The following EPHA3 variants were observed in gnomAD, a reference collection of about 807,000 sequenced individuals.
EPHA3 encodes EPH receptor A3.
A neutral mutation model predicts 107.1 loss-of-function variants in EPHA3; 42 were observed. The observed-to-expected ratio is 0.39, with a 90% CI of 0.31 to 0.51. The LOEUF (loss-of-function observed/expected upper bound fraction) is 0.51, where lower values mean the gene tolerates loss of function less well. EPHA3 is among the 20% of genes least tolerant of loss of function. EPHA3 has a pLI of 0.78. For missense variants in EPHA3, 1,183 were observed against 1,211.2 expected (o/e 0.98, Z 0.35); for synonymous variants, 461 against 424.8 (o/e 1.09, Z -1.05).
intron 3 of EPHA3, among the ~76,000 whole-genome samples, chr3:89,222,450 T>C (rs901400697): frequency 6.7e-6 from 1 of 148,232 alleles, no homozygotes; most frequent in African/African-American, 2.5e-5. Context: ...CATGCATACT[T>C]GTGTGTGTAT....
chr3:89,114,684 ACT>A (rs1363511762), intron 1 of EPHA3, among the ~76,000 whole-genome samples: 5 of 152,102 alleles, frequency 3.3e-5, no homozygotes, highest in African/African-American at 9.6e-5. Flanking sequence ...GACGGTGTAG[ACT>A]CTGTAGCGAG....
chr3:89,222,472 CATA>C (rs1704402985), intron 3 of EPHA3, among the ~76,000 whole-genome samples: 2 of 147,492 alleles, frequency 1.4e-5, no homozygotes, highest in East Asian at 3.9e-4. Context: ...TGTATATAGA[CATA>C]AAATGCAAAA....
chr3:89,255,245 A>G (rs2107269811), intron 3 of EPHA3, among the ~76,000 whole-genome samples: 1 of 152,332 alleles, frequency 6.6e-6, no homozygotes, highest in South Asian at 2.1e-4. Flanking sequence ...ATGACCACAC[A>G]TTTCATTGTC....
chr3:89,440,889 G>T (rs1436462874), intron 13 of EPHA3, among the ~76,000 whole-genome samples: 1 of 152,186 alleles, frequency 6.6e-6, no homozygotes, highest in Non-Finnish European at 1.5e-5. Context: ...TCCAAAGTTA[G>T]TCTTTCTTTA....
intron 2 of EPHA3, among the ~76,000 whole-genome samples, chr3:89,152,525 G>T (rs573926721): frequency 6.6e-6 from 1 of 152,002 alleles, no homozygotes; most frequent in Non-Finnish European, 1.5e-5. Context: ...ACTTTTTAGG[G>T]AGGACTAATG....
At chr3:89,296,058 G>T (rs1040096220) in intron 3 of EPHA3, among the ~76,000 whole-genome samples, 3 of 152,144 alleles carry the variant, frequency 2.0e-5, no homozygotes, top group Admixed American at 6.5e-5. Flanking sequence ...TCAAATTCTA[G>T]TTCTGTTGCC....
In EPHA3 at chr3:89,118,599, G is replaced by T. The variant is rs200378915; in HGVS notation, c.89-8610G>T. Among the ~76,000 whole-genome samples the T allele has an allele frequency of 1.3e-4, 20 of 151,900 alleles. No homozygotes were observed. In the East Asian group the frequency reaches 3.9e-3, roughly 29 times the overall value. ...TAGTGAAAACTTTGGAACTCTAAAT[G>T]TAATGACAAAGGCACAACTTTAAGA... is the stretch of plus-strand genomic sequence containing the variant. On this transcript the variant is annotated intron_variant, in intron 1 of 16. Transcript: ENST00000336596.
chr3:89,168,138 G>T (rs1202207966), intron 2 of EPHA3, among the ~76,000 whole-genome samples: 1 of 152,146 alleles, frequency 6.6e-6, no homozygotes, highest in Non-Finnish European at 1.5e-5. Flanking sequence ...TAGCAGACTG[G>T]CCCAGGCCTT....
chr3:89,395,375 C>G (rs1174774619), intron 5 of EPHA3, among the ~76,000 whole-genome samples: 1 of 152,176 alleles, frequency 6.6e-6, no homozygotes, highest in South Asian at 2.1e-4. Context: ...CCATGGGACT[C>G]CTTGTGCATA....
At chr3:89,424,758 A>G (rs1709423527) in intron 11 of EPHA3, among the ~76,000 whole-genome samples, 1 of 151,496 alleles carries the variant, frequency 6.6e-6, no homozygotes, top group Non-Finnish European at 1.5e-5. Context: ...CACTTACTGT[A>G]TGCCTTACAT....
At chr3:89,410,936 A>G (rs190459734) in intron 9 of EPHA3, among the ~76,000 whole-genome samples, 6 of 152,040 alleles carry the variant, frequency 3.9e-5, no homozygotes, top group Admixed American at 2.6e-4. Flanking sequence ...ATCTGTATTT[A>G]TAGGAAGGAT....
At chr3:89,439,759 A>C (rs2107545048) in intron 13 of EPHA3, among the ~76,000 whole-genome samples, 1 of 152,070 alleles carries the variant, frequency 6.6e-6, no homozygotes, top group African/African-American at 2.4e-5. Context: ...ACACACATAT[A>C]TATATGTATG....
At chr3:89,396,294 T>C (rs1708850600) in intron 6 of EPHA3, among the ~76,000 whole-genome samples, 1 of 152,242 alleles carries the variant, frequency 6.6e-6, no homozygotes, top group South Asian at 2.1e-4. Flanking sequence ...ATTTGTGAAC[T>C]GTTTTTTTAG....
chr3:89,388,871 G>A (rs1431849243), intron 5 of EPHA3, among the ~76,000 whole-genome samples: 8 of 152,108 alleles, frequency 5.3e-5, no homozygotes, highest in Non-Finnish European at 7.4e-5. Flanking sequence ...TTGAAAGAGA[G>A]GGGAATCAAT....
At chr3:89,344,308 G>A (rs1307093183) in intron 5 of EPHA3, among the ~76,000 whole-genome samples, 2 of 152,072 alleles carry the variant, frequency 1.3e-5, no homozygotes, top group East Asian at 3.8e-4. Context: ...AAATGAGATT[G>A]ATGCTTTGGC....
intron 3 of EPHA3, among the ~76,000 whole-genome samples, chr3:89,283,206 A>C (rs574544717): frequency 2.0e-5 from 3 of 152,264 alleles, no homozygotes; most frequent in African/African-American, 7.2e-5. Flanking sequence ...AGCAAAGTGA[A>C]AAAAGTTTAA....
At chr3:89,295,385 AC>A in intron 3 of EPHA3, among the ~76,000 whole-genome samples, 1 of 151,406 alleles carries the variant, frequency 6.6e-6, no homozygotes, top group Non-Finnish European at 1.5e-5. Context: ...GAAGGGTGGC[AC>A]CCTTCAGCTG....
intron 3 of EPHA3, among the ~76,000 whole-genome samples, chr3:89,292,155 A>G (rs1000038396): frequency 6.6e-6 from 1 of 152,180 alleles, no homozygotes; most frequent in Non-Finnish European, 1.5e-5. Context: ...TAATTCACTT[A>G]TAAGAATTAC....
At chr3:89,267,646 A>T (rs894702633) in intron 3 of EPHA3, among the ~76,000 whole-genome samples, 4 of 151,556 alleles carry the variant, frequency 2.6e-5, no homozygotes, top group African/African-American at 9.7e-5. Context: ...CTGTTTAGCT[A>T]TTTTTTTTTA....
Sources: gnomAD v4.1 joint callset for allele counts (sites outside exome capture counted in the v4.1 genomes callset) on GRCh38, gnomAD v4.1.1 for gene constraint, MANE v1.5 for transcripts, NCBI Gene and HGNC (gene_info 2026-07-23, HGNC 2026-07-21) for gene names.